JPH2: variants seen among roughly 807,000 people sequenced by gnomAD.
The protein encoded by JPH2 is junctophilin-2.
JPH2 carries 38 observed loss-of-function variants against 55.9 expected under a neutral mutation model. That is an observed-to-expected ratio of 0.68 (90% CI 0.52 to 0.89). The LOEUF (loss-of-function observed/expected upper bound fraction) is 0.89, where lower values mean the gene tolerates loss of function less well. Ranked by LOEUF, JPH2 falls within the 40% of genes least tolerant of loss-of-function variation. The pLI, the probability that JPH2 is intolerant of heterozygous loss-of-function variation, is 0.00. For synonymous variants in JPH2, 480 were observed against 472.4 expected (o/e 1.02, Z -0.21); for missense variants, 964 against 1,037.6 (o/e 0.93, Z 0.97).
intron 2 of JPH2, among the ~76,000 whole-genome samples, chr20:44,156,337 G>A (rs960387760): frequency 5.3e-5 from 8 of 152,194 alleles, no homozygotes. Context: ...GAACTTTTCT[G>A]TAAATCTAAA....
chr20:44,127,971 CCTT>C (rs773437659), intron 2 of JPH2, among the ~76,000 whole-genome samples: 43 of 152,072 alleles, frequency 2.8e-4, no homozygotes, highest in Admixed American at 1.8e-3. Context: ...GGATTTTTTT[CCTT>C]CTTATTATTG....
In JPH2 at chr20:44,143,716, A is replaced by G. The variant is rs561708803; in HGVS notation, c.1169+15902T>C. On this transcript the variant is annotated intron_variant, in intron 2 of 5. Coordinates refer to ENST00000372980, the MANE Select transcript of JPH2 (RefSeq NM_020433.5). ...TCCTTGTCTCAGGCTCTGCTTTTGC[A>G]GGAACCTTAACTGAGGGCCCCATGA... is the stretch of plus-strand genomic sequence containing the variant. Among the ~76,000 whole-genome samples, 7 of 152,318 alleles carry G rather than the reference A, an allele frequency of 4.6e-5. No homozygotes were observed. In the East Asian group the frequency reaches 1.4e-3, roughly 29 times the overall value.
chr20:44,162,781 TATATATACAC>T (rs1270634300), intron 1 of JPH2, among the ~76,000 whole-genome samples: 559 of 69,820 alleles, frequency 8.0e-3, no homozygotes, highest in Middle Eastern at 0.02. Flanking sequence ...TATATATATA[TATATATACAC>T]ACACACACAC....
At position 44,114,791 on chromosome 20, in the gene JPH2, G is replaced by A. The variant is rs2072174433; in HGVS notation, c.*5C>T. On this transcript the variant is annotated 3_prime_UTR_variant, in exon 5 of 6. Coordinates refer to ENST00000372980, the MANE Select transcript of JPH2 (RefSeq NM_020433.5). ...AGCCAGCTGGCTGCACCTGGTAAGC[G>A]ACGGTCAGGTCAGGAGGTGAACAAA... 1.5e-5 allele frequency: 24 copies of A among 1,599,788 alleles called. No homozygotes were observed. Among genetic ancestry groups the A allele is most frequent in the South Asian group, 3.4e-5 (3 of 87,924 alleles).
At chr20:44,162,921 C>T (rs1173213571) in intron 1 of JPH2, among the ~76,000 whole-genome samples, 1 of 150,866 alleles carries the variant, frequency 6.6e-6, no homozygotes, top group Non-Finnish European at 1.5e-5. Context: ...TTTATCAAAA[C>T]ATCTCATATA....
chr20:44,115,123 G>A (rs189257322), intron 4 of JPH2, among the ~76,000 whole-genome samples: 208 of 152,268 alleles, frequency 1.4e-3, no homozygotes, highest in African/African-American at 4.9e-3. Context: ...CATATAGTGT[G>A]TGAATCAGGC....
chr20:44,116,337 C>T lies in JPH2; in HGVS notation c.1338G>A (p.Ser446=), dbSNP rs1172378842. The change falls in exon 4 of 6, where the codon TCG becomes TCA. Residue 446 remains serine (S), a synonymous_variant. Transcript: ENST00000372980. ...RRLLQEILEN[S]ESLLEPPDRG... Reference sequence around the variant, plus strand: ...GGTCGGGGGGCTCCAGCAGGCTCTCCGAGTTCTCCAGGATCTCCTGCAGCA... The same window carrying T: ...GGTCGGGGGGCTCCAGCAGGCTCTCTGAGTTCTCCAGGATCTCCTGCAGCA... 3.9e-6 allele frequency: 6 copies of T among 1,546,416 alleles called. No homozygotes were observed. The highest frequency in any genetic ancestry group is 2.4e-5 in the South Asian group (2 of 83,902).
In JPH2 at chr20:44,131,618, A is replaced by C. The variant is rs550732815; in HGVS notation, c.1170-12995T>G. The stretch of plus-strand genomic sequence containing the variant: ...GAACAGTGCCTTGCACAGAGTAAGC[A>C]CTATCGAAGGGTTAGCTGTTCCTGC... On this transcript the variant is annotated intron_variant, in intron 2 of 5. Transcript: ENST00000372980. Among the ~76,000 whole-genome samples, 15 of 152,320 alleles carry C rather than the reference A, an allele frequency of 9.8e-5. No homozygotes were observed. In the South Asian group the frequency reaches 2.5e-3, roughly 25 times the overall value.
At chr20:44,174,192 G>A (rs2145891599) in intron 1 of JPH2, among the ~76,000 whole-genome samples, 1 of 152,300 alleles carries the variant, frequency 6.6e-6, no homozygotes, top group East Asian at 1.9e-4. Context: ...AGGAAGCTTA[G>A]GCTCAGAGAG....
At chr20:44,132,316 T>G (rs895550858) in intron 2 of JPH2, among the ~76,000 whole-genome samples, 3 of 149,094 alleles carry the variant, frequency 2.0e-5, no homozygotes, top group Non-Finnish European at 4.4e-5. Context: ...TAATACAGGT[T>G]GCCCACTGTG....
chr20:44,113,069 C>G lies in JPH2; in HGVS notation c.*449G>C, dbSNP rs1368725562. On this transcript the variant is annotated 3_prime_UTR_variant, in exon 6 of 6. Coordinates refer to ENST00000372980, the MANE Select transcript of JPH2 (RefSeq NM_020433.5). The stretch of plus-strand genomic sequence containing the variant: ...ACCCAGCTTCCCTGGGAGGCCTCAG[C>G]CCACAGCCAAAGGATTAAATCAAAG... 6.6e-6 allele frequency: 1 copy of G among 152,346 alleles called. No homozygotes were observed. The highest frequency in any genetic ancestry group is 2.4e-5 in the African/African-American group (1 of 41,422). The allele number at this position is 152,346 out of a possible 1,614,324, so 9.4% of individuals were successfully genotyped here.
chr20:44,139,494 A>C (rs1264752852), intron 2 of JPH2, among the ~76,000 whole-genome samples: 2 of 152,240 alleles, frequency 1.3e-5, no homozygotes, highest in Non-Finnish European at 2.9e-5. Context: ...AAGCATTTAG[A>C]AACTGATCAA....
At position 44,111,194 on chromosome 20, in the gene JPH2, T is replaced by A. The variant is rs950997448; in HGVS notation, c.*2324A>T. Among the ~76,000 whole-genome samples, 3 of 152,126 alleles carry A rather than the reference T, an allele frequency of 2.0e-5. No homozygotes were observed. The highest frequency in any genetic ancestry group is 7.2e-5 in the African/African-American group (3 of 41,418). ...ACAACTGGTATCTGAATCACCTCCATCCCTTTGGGGTCCCTGGGATCCTCT... is the reference window on the plus strand; with the variant it reads ...ACAACTGGTATCTGAATCACCTCCAACCCTTTGGGGTCCCTGGGATCCTCT... On this transcript the variant is annotated 3_prime_UTR_variant, in exon 6 of 6. Transcript: ENST00000372980.
At chr20:44,141,249 A>G (rs1237607730) in intron 2 of JPH2, among the ~76,000 whole-genome samples, 1 of 152,164 alleles carries the variant, frequency 6.6e-6, no homozygotes, top group Non-Finnish European at 1.5e-5. Context: ...CCCATTCTCT[A>G]CATCTGGGGA....
chr20:44,118,346 C>A (rs1239611996), intron 3 of JPH2, among the ~76,000 whole-genome samples, 159 bp downstream of exon 3: 1 of 152,210 alleles, frequency 6.6e-6, no homozygotes, highest in Non-Finnish European at 1.5e-5. Flanking sequence ...TCCCCACCTA[C>A]CCCTGCATCA....
At chr20:44,144,407 C>T (rs1427276839) in intron 2 of JPH2, among the ~76,000 whole-genome samples, 1 of 152,132 alleles carries the variant, frequency 6.6e-6, no homozygotes, top group South Asian at 2.1e-4. Flanking sequence ...AACATCGCCT[C>T]GTATTGTCCT....
chr20:44,186,107 C>T (rs1194623758), intron 1 of JPH2, among the ~76,000 whole-genome samples: 1 of 152,136 alleles, frequency 6.6e-6, no homozygotes, highest in Admixed American at 6.5e-5. Flanking sequence ...GTACTAAGCA[C>T]TGCCACTAAT....
intron 3 of JPH2, among the ~76,000 whole-genome samples, chr20:44,117,481 C>T (rs2072201979): frequency 6.6e-6 from 1 of 152,244 alleles, no homozygotes; most frequent in African/African-American, 2.4e-5. Context: ...TGTGCCTTTG[C>T]ACCTCCTCCA....
intron 2 of JPH2, among the ~76,000 whole-genome samples, chr20:44,147,505 A>C (rs1317252104): frequency 6.6e-6 from 1 of 152,256 alleles, no homozygotes; most frequent in Non-Finnish European, 1.5e-5. Flanking sequence ...AACATTATGT[A>C]GGTAGTCCTA....
Sources: allele counts gnomAD v4.1 joint callset (sites outside exome capture counted in the v4.1 genomes callset), GRCh38; gene constraint gnomAD v4.1.1; transcripts MANE v1.5; gene names NCBI Gene and HGNC (gene_info 2026-07-23, HGNC 2026-07-21).